The following TENM3 variants were observed in gnomAD, a reference collection of about 807,000 sequenced individuals.
TENM3 encodes teneurin transmembrane protein 3, also known as teneurin-3.
Under a neutral mutation model 255.1 loss-of-function variants are expected in TENM3, and 63 were observed. The observed-to-expected ratio is 0.25, with a 90% confidence interval of 0.20 to 0.30. The LOEUF is 0.30. TENM3 is among the 10% of genes least tolerant of loss of function. The pLI, the probability that TENM3 is intolerant of heterozygous loss-of-function variation, is 1.00. For missense variants in TENM3, 2,929 were observed against 3,461.1 expected (o/e 0.85, Z 3.86); for synonymous variants, 1,306 against 1,322.3 (o/e 0.99, Z 0.27).
chr4:181,518,852 G>C, the TENM3 span, among the ~76,000 whole-genome samples: 1 of 152,154 alleles, frequency 6.6e-6, no homozygotes, highest in African/African-American at 2.4e-5. Flanking sequence ...GCCACACTGG[G>C]AGAATCGTAC....
chr4:181,490,224 C>T, the TENM3 span, among the ~76,000 whole-genome samples: 1,415 of 152,232 alleles, frequency 9.3e-3, 17 homozygotes, highest in South Asian at 0.033. Flanking sequence ...ATTAACTATA[C>T]GCACCCTATT....
intron 3 of TENM3, among the ~76,000 whole-genome samples, chr4:182,596,905 T>A (rs540046945): frequency 3.7e-4 from 57 of 152,298 alleles, no homozygotes; most frequent in African/African-American, 1.3e-3. Flanking sequence ...CAGAACTTTT[T>A]TATCAATCTG....
At chr4:182,235,894 G>C (rs1475446917) in intron 1 of TENM3, among the ~76,000 whole-genome samples, 1 of 152,236 alleles carries the variant, frequency 6.6e-6, no homozygotes, top group African/African-American at 2.4e-5. Context: ...CTAGAGCAGT[G>C]AACAAAGCAG....
chr4:182,374,380 C>G (rs1238242924), intron 3 of TENM3, among the ~76,000 whole-genome samples: 2 of 152,154 alleles, frequency 1.3e-5, no homozygotes, highest in Non-Finnish European at 2.9e-5. Flanking sequence ...GTACACTAAA[C>G]ATATTCTCTC....
intron 3 of TENM3, among the ~76,000 whole-genome samples, chr4:182,464,773 G>A (rs1221375781): frequency 6.6e-6 from 1 of 152,168 alleles, no homozygotes; most frequent in African/African-American, 2.4e-5. Context: ...GGTTTTGTGA[G>A]AGAACCATAG....
At chr4:182,257,954 T>C (rs1758529794) in intron 1 of TENM3, among the ~76,000 whole-genome samples, 1 of 152,162 alleles carries the variant, frequency 6.6e-6, no homozygotes, top group Admixed American at 6.5e-5. Flanking sequence ...TTTGTTGTTT[T>C]TACTCTGTTA....
chr4:182,387,144 G>C (rs1223764350), intron 3 of TENM3, among the ~76,000 whole-genome samples: 1 of 152,134 alleles, frequency 6.6e-6, no homozygotes, highest in Non-Finnish European at 1.5e-5. Context: ...TGCTCTGGTG[G>C]GGACGTGGAG....
chr4:181,792,224 T>A, the TENM3 span, among the ~76,000 whole-genome samples: 2 of 152,228 alleles, frequency 1.3e-5, no homozygotes, highest in African/African-American at 4.8e-5. Context: ...GAGAATATCC[T>A]TAAGATTAAC....
upstream of TENM3, among the ~76,000 whole-genome samples, chr4:182,240,020 A>G (rs13133116): frequency 0.2 from 29,770 of 152,154 alleles, 3,197 homozygotes; most frequent in Middle Eastern, 0.25. Flanking sequence ...ATACTGTAAT[A>G]ACAGTTGTAG....
chr4:182,159,447 AGTGTGT>A (rs67981646), intron 1 of TENM3, among the ~76,000 whole-genome samples: 2,522 of 130,736 alleles, frequency 0.019, 63 homozygotes, highest in African/African-American at 0.062. Context: ...AGTGTGTATG[AGTGTGT>A]GTGTGTGTGT....
the TENM3 span, among the ~76,000 whole-genome samples, chr4:181,488,691 G>A: frequency 3.1e-3 from 478 of 151,882 alleles, 1 homozygote; most frequent in Non-Finnish European, 4.5e-3. Context: ...TCGGTAAGTC[G>A]GCTTGACCAT....
the TENM3 span, among the ~76,000 whole-genome samples, chr4:182,116,711 C>G: frequency 1.3e-5 from 2 of 152,232 alleles, no homozygotes; most frequent in Non-Finnish European, 2.9e-5. Flanking sequence ...ACTAATACAA[C>G]TTCCATGCCT....
At chr4:181,992,199 G>A in the TENM3 span, among the ~76,000 whole-genome samples, 1 of 152,062 alleles carries the variant, frequency 6.6e-6, no homozygotes, top group South Asian at 2.1e-4. Context: ...AAAAGTCTCG[G>A]TACCTGAGAG....
At chr4:182,280,527 A>G (rs1189338581) in intron 1 of TENM3, among the ~76,000 whole-genome samples, 1 of 152,226 alleles carries the variant, frequency 6.6e-6, no homozygotes, top group Admixed American at 6.5e-5. Context: ...TTCTATTTTT[A>G]TGGAAAATCT....
At chr4:182,448,772 A>G (rs1773160463) in intron 3 of TENM3, among the ~76,000 whole-genome samples, 1 of 151,680 alleles carries the variant, frequency 6.6e-6, no homozygotes, top group Non-Finnish European at 1.5e-5. Flanking sequence ...ACGGCTGCTC[A>G]CAGGCCCCGG....
chr4:181,550,431 C>G, the TENM3 span, among the ~76,000 whole-genome samples: 1 of 152,104 alleles, frequency 6.6e-6, no homozygotes, highest in Admixed American at 6.5e-5. Flanking sequence ...AATTCTCTAC[C>G]AAAAGAACTA....
chr4:181,622,838 T>C, the TENM3 span, among the ~76,000 whole-genome samples: 1 of 152,152 alleles, frequency 6.6e-6, no homozygotes, highest in African/African-American at 2.4e-5. Context: ...CCAATTTTTA[T>C]TGAATGCCTG....
the TENM3 span, among the ~76,000 whole-genome samples, chr4:181,902,286 G>A: frequency 6.6e-6 from 1 of 151,710 alleles, no homozygotes; most frequent in Non-Finnish European, 1.5e-5. Context: ...TTGCAAAAAT[G>A]TTCTCCCATT....
At chr4:181,833,452 C>G in the TENM3 span, among the ~76,000 whole-genome samples, 69,765 of 152,002 alleles carry the variant, frequency 0.46, 17,192 homozygotes, top group East Asian at 0.72. Flanking sequence ...CTAACTAAAA[C>G]AGGGGGGCAG....
Sources: gnomAD v4.1 joint callset for allele counts (sites outside exome capture counted in the v4.1 genomes callset) on GRCh38, gnomAD v4.1.1 for gene constraint, MANE v1.5 for transcripts, NCBI Gene and HGNC (gene_info 2026-07-23, HGNC 2026-07-21) for gene names.